GRM7: variants seen among roughly 807,000 people sequenced by gnomAD.
GRM7 encodes metabotropic glutamate receptor 7.
GRM7 carries 35 observed loss-of-function variants against 84.5 expected under a neutral mutation model. The observed-to-expected ratio is 0.41, with a 90% confidence interval of 0.32 to 0.55. The LOEUF (loss-of-function observed/expected upper bound fraction) is 0.55, where lower values mean the gene tolerates loss of function less well. GRM7 is among the 20% of genes least tolerant of loss of function. The probability of loss-of-function intolerance (pLI) is 0.19; values close to 1 mark genes in which losing one functional copy is unlikely to be tolerated. For synonymous variants in GRM7, 487 were observed against 455.1 expected (o/e 1.07, Z -0.89); for missense variants, 1,003 against 1,194.6 (o/e 0.84, Z 2.36).
intron 5 of GRM7, among the ~76,000 whole-genome samples, chr3:7,443,308 A>C (rs1342881147): frequency 6.6e-6 from 1 of 152,178 alleles, no homozygotes; most frequent in Non-Finnish European, 1.5e-5. Flanking sequence ...ACACTTCAGC[A>C]TGCAACTTTA....
intron 1 of GRM7, among the ~76,000 whole-genome samples, chr3:6,961,529 A>G (rs78919173): frequency 0.08 from 12,122 of 152,162 alleles, 647 homozygotes; most frequent in Middle Eastern, 0.12. Context: ...GGACCTTTAC[A>G]CCAACCAGAA....
chr3:7,397,865 A>G (rs1286924808), intron 4 of GRM7, among the ~76,000 whole-genome samples: 1 of 152,096 alleles, frequency 6.6e-6, no homozygotes, highest in Non-Finnish European at 1.5e-5. Context: ...GCTGCTAAAC[A>G]TCCTTAATGC....
At chr3:7,104,922 A>G (rs941752604) in intron 1 of GRM7, among the ~76,000 whole-genome samples, 13 of 151,830 alleles carry the variant, frequency 8.6e-5, no homozygotes, top group Admixed American at 5.3e-4. Context: ...ATAATACAAA[A>G]TATATAGATT....
At chr3:7,647,888 C>G (rs1048356700) in intron 8 of GRM7, among the ~76,000 whole-genome samples, 1 of 152,084 alleles carries the variant, frequency 6.6e-6, no homozygotes, top group Non-Finnish European at 1.5e-5. Flanking sequence ...TAAAAAGTGC[C>G]CAAGTCTACT....
At chr3:7,535,132 C>T (rs1167611887) in intron 7 of GRM7, 1 of 151,890 alleles carries the variant, frequency 6.6e-6, no homozygotes, top group African/African-American at 2.4e-5. Flanking sequence ...AAATATTTCC[C>T]AAATATTCTC....
intron 4 of GRM7, among the ~76,000 whole-genome samples, chr3:7,330,960 A>T (rs1701185683): frequency 1.3e-5 from 2 of 152,142 alleles, no homozygotes; most frequent in Admixed American, 1.3e-4. Context: ...TCAGAGAGGC[A>T]TCTCATGAAC....
intron 5 of GRM7, among the ~76,000 whole-genome samples, chr3:7,423,502 G>T (rs1159296617): frequency 1.3e-5 from 2 of 152,110 alleles, no homozygotes; most frequent in Non-Finnish European, 2.9e-5. Context: ...AGCAATAGAA[G>T]TATTATAAAT....
intron 3 of GRM7, among the ~76,000 whole-genome samples, chr3:7,304,209 G>C (rs62234959): frequency 0.36 from 55,023 of 150,850 alleles, 10,865 homozygotes; most frequent in Middle Eastern, 0.49. Context: ...AAATATGCAA[G>C]TTCTATTTGT....
At chr3:6,896,956 A>G (rs1391977219) in intron 1 of GRM7, among the ~76,000 whole-genome samples, 3 of 152,160 alleles carry the variant, frequency 2.0e-5, no homozygotes, top group Admixed American at 1.3e-4. Flanking sequence ...ATATTGTATC[A>G]TGGTTATTTG....
intron 7 of GRM7, among the ~76,000 whole-genome samples, chr3:7,525,017 A>G (rs1575450977): frequency 6.6e-6 from 1 of 150,822 alleles, no homozygotes; most frequent in African/African-American, 2.5e-5. Context: ...TCACAAGAAC[A>G]AAAAACCAAA....
chr3:7,289,654 T>C (rs1699549712), intron 2 of GRM7, among the ~76,000 whole-genome samples: 1 of 152,174 alleles, frequency 6.6e-6, no homozygotes, highest in African/African-American at 2.4e-5. Flanking sequence ...GTGGCACATA[T>C]ACACCATGGA....
chr3:7,345,900 T>TATGG (rs1692869961), intron 4 of GRM7, among the ~76,000 whole-genome samples: 1 of 151,972 alleles, frequency 6.6e-6, no homozygotes, highest in African/African-American at 2.4e-5. Flanking sequence ...GTAAGTTAGG[T>TATGG]ATGGTTGCAG....
chr3:7,596,201 A>G (rs1300560382), intron 8 of GRM7, among the ~76,000 whole-genome samples: 3 of 152,216 alleles, frequency 2.0e-5, no homozygotes, highest in African/African-American at 7.2e-5. Context: ...AAATGACTCC[A>G]CACGTGTTGT....
rs1375714431 is a variant in GRM7 at position 7,151,037 on chromosome 3, G to C, written c.736+4369G>C. Among the ~76,000 whole-genome samples the C allele has an allele frequency of 3.9e-5, 6 of 151,984 alleles. No homozygotes were observed. Reference sequence around the variant, plus strand: ...CAAAACCTAAAAGATCTATCCATTTGATATTTTACAGTGATCACTTAACAT... The same window carrying C: ...CAAAACCTAAAAGATCTATCCATTTCATATTTTACAGTGATCACTTAACAT... On this transcript the variant is annotated intron_variant, in intron 2 of 9. Transcript: ENST00000357716. This position sits in a 1 kb window ranked among gnomAD's most constrained non-coding sequence, Gnocchi z 4.5.
At chr3:7,025,020 T>C (rs1297409345) in intron 1 of GRM7, among the ~76,000 whole-genome samples, 1 of 152,184 alleles carries the variant, frequency 6.6e-6, no homozygotes, top group Non-Finnish European at 1.5e-5. Flanking sequence ...AGAATCTGTT[T>C]TCTTGCCCTT....
At chr3:7,436,758 G>C (rs150521241) in intron 5 of GRM7, among the ~76,000 whole-genome samples, 40 of 152,174 alleles carry the variant, frequency 2.6e-4, no homozygotes, top group African/African-American at 8.9e-4. Flanking sequence ...TTTCAGCCTG[G>C]ACTTCTCTGG....
chr3:7,386,774 G>A (rs1019661459), intron 4 of GRM7, among the ~76,000 whole-genome samples: 5 of 152,106 alleles, frequency 3.3e-5, no homozygotes, highest in Middle Eastern at 3.4e-3. Flanking sequence ...TTTTCCTTTG[G>A]GCATACACCC....
rs897806325 is a variant in GRM7 at position 7,723,668 on chromosome 3, A to G, written c.2699-16689A>G. Among the ~76,000 whole-genome samples the G allele has an allele frequency of 6.6e-5, 10 of 152,188 alleles. No homozygotes were observed. The East Asian group carries it at 1.7e-3, about 27-fold the overall frequency. The stretch of plus-strand genomic sequence containing the variant: ...TTTCAACACGAGCCTCGGTAACATA[A>G]TAAGACCCCCATCTCTACAACAAAT... On this transcript the variant is annotated intron_variant, in intron 9 of 9. Transcript: ENST00000357716.
intron 2 of GRM7, among the ~76,000 whole-genome samples, chr3:7,207,939 A>G (rs1696292136): frequency 1.3e-5 from 2 of 152,204 alleles, no homozygotes; most frequent in African/African-American, 4.8e-5. Flanking sequence ...GTTTCTTTTT[A>G]AATGAAATGT....
Sources: gnomAD v4.1 joint callset for allele counts (sites outside exome capture counted in the v4.1 genomes callset) on GRCh38, gnomAD v4.1.1 for gene constraint, Gnocchi (gnomAD v3.1) non-coding constraint, MANE v1.5 for transcripts, NCBI Gene and HGNC (gene_info 2026-07-23, HGNC 2026-07-21) for gene names.